PDE4B: variants seen among roughly 807,000 people sequenced by gnomAD.
PDE4B encodes the protein 3',5'-cyclic-AMP phosphodiesterase 4B.
A neutral mutation model predicts 82.2 loss-of-function variants in PDE4B; 20 were observed. That is an observed-to-expected ratio of 0.24 (90% CI 0.17 to 0.35). The LOEUF is 0.35. Ranked by LOEUF, PDE4B falls within the 10% of genes least tolerant of loss-of-function variation. The pLI, the probability that PDE4B is intolerant of heterozygous loss-of-function variation, is 1.00. For synonymous variants in PDE4B, 320 were observed against 318.9 expected (o/e 1.00, Z -0.04); for missense variants, 655 against 907.2 (o/e 0.72, Z 3.57).
chr1:66,188,242 GT>G (rs1292566708), intron 3 of PDE4B, among the ~76,000 whole-genome samples: 1 of 152,012 alleles, frequency 6.6e-6, no homozygotes, highest in Non-Finnish European at 1.5e-5. Context: ...GTTGAGGAGT[GT>G]TTTACTTCCA....
chr1:65,987,451 G>C (rs2186121), intron 3 of PDE4B, among the ~76,000 whole-genome samples: 11,012 of 152,212 alleles, frequency 0.072, 441 homozygotes, highest in South Asian at 0.14. Context: ...ATCACCGTGG[G>C]AGCATGAATT....
At chr1:66,366,117 A>C (rs1396831459) in intron 13 of PDE4B, among the ~76,000 whole-genome samples, 1 of 152,196 alleles carries the variant, frequency 6.6e-6, no homozygotes, top group South Asian at 2.1e-4. Context: ...AAACTCTCGC[A>C]CAGAGCATAG....
intron 3 of PDE4B, among the ~76,000 whole-genome samples, chr1:66,022,767 T>C (rs1247798944): frequency 6.6e-6 from 1 of 152,156 alleles, no homozygotes; most frequent in Non-Finnish European, 1.5e-5. Flanking sequence ...TCTAAAATTC[T>C]CTTTTTTTTG....
chr1:65,972,088 A>C (rs1937440), intron 3 of PDE4B, among the ~76,000 whole-genome samples: 1 of 152,002 alleles, frequency 6.6e-6, no homozygotes, highest in Non-Finnish European at 1.5e-5. Flanking sequence ...TTGGTAATAT[A>C]TTATGACTGT....
intron 7 of PDE4B, among the ~76,000 whole-genome samples, chr1:66,270,441 G>A (rs994177927): frequency 6.6e-6 from 1 of 152,080 alleles, no homozygotes; most frequent in Admixed American, 6.6e-5. Flanking sequence ...TGGACAAGAG[G>A]GTCAGTGAGT....
At chr1:66,269,427 A>G (rs1376249400) in intron 7 of PDE4B, among the ~76,000 whole-genome samples, 1 of 152,222 alleles carries the variant, frequency 6.6e-6, no homozygotes, top group African/African-American at 2.4e-5. Flanking sequence ...TTTAATGAGC[A>G]TCTGAATTTG....
chr1:66,310,698 C>T (rs1483743363), intron 7 of PDE4B, among the ~76,000 whole-genome samples: 1 of 152,114 alleles, frequency 6.6e-6, no homozygotes, highest in Non-Finnish European at 1.5e-5. Context: ...CTTCCACTGC[C>T]CCCACTGTAC....
At chr1:66,105,371 C>T (rs369023563) in intron 3 of PDE4B, among the ~76,000 whole-genome samples, 9,433 of 151,712 alleles carry the variant, frequency 0.062, 424 homozygotes, top group South Asian at 0.17. Context: ...AGTCAGGTAG[C>T]GTGATGCCTC....
chr1:66,024,126 G>A (rs536561712), intron 3 of PDE4B, among the ~76,000 whole-genome samples: 1 of 152,048 alleles, frequency 6.6e-6, no homozygotes. Context: ...GTCCATACAA[G>A]TATCCTCCAT....
chr1:66,116,980 C>T (rs1645608988), intron 3 of PDE4B, among the ~76,000 whole-genome samples: 1 of 152,208 alleles, frequency 6.6e-6, no homozygotes, highest in South Asian at 2.1e-4. Context: ...CCCCTCCAAT[C>T]CAGCTTTGGT....
At chr1:66,010,324 AAAATTTAATAAGAGATTATTTTCTTTAT>A (rs1652413227) in intron 3 of PDE4B, among the ~76,000 whole-genome samples, 1 of 151,580 alleles carries the variant, frequency 6.6e-6, no homozygotes, top group Non-Finnish European at 1.5e-5. Flanking sequence ...AATATTATAT[AAAATTTAATAAGAGATTATTTTCTTTAT>A]AAAGAGAAAG....
intron 3 of PDE4B, among the ~76,000 whole-genome samples, chr1:66,086,782 A>C (rs1186740281): frequency 6.6e-6 from 1 of 152,198 alleles, no homozygotes; most frequent in East Asian, 1.9e-4. Flanking sequence ...ATTAAGTTCT[A>C]GGACAATTAA....
At chr1:66,086,582 T>C (rs909578451) in intron 3 of PDE4B, among the ~76,000 whole-genome samples, 1 of 152,226 alleles carries the variant, frequency 6.6e-6, no homozygotes, top group African/African-American at 2.4e-5. Flanking sequence ...TAATTTCTGT[T>C]AATAACCACA....
At chr1:66,349,925 T>C (rs938424001) in intron 8 of PDE4B, among the ~76,000 whole-genome samples, 2 of 152,148 alleles carry the variant, frequency 1.3e-5, no homozygotes, top group Non-Finnish European at 2.9e-5. Flanking sequence ...GATTAGAAGC[T>C]AGCCATTTTA....
intron 3 of PDE4B, among the ~76,000 whole-genome samples, chr1:66,012,518 G>GCACACCATGACAACAGGCTCA (rs1652542443): frequency 1.3e-5 from 2 of 152,022 alleles, no homozygotes; most frequent in Admixed American, 6.6e-5. Flanking sequence ...ATCATAGTGT[G>GCACACCATGACAACAGGCTCA]CACACCATGA....
chr1:65,953,382 G>T (rs911314734), intron 3 of PDE4B, among the ~76,000 whole-genome samples: 1 of 152,084 alleles, frequency 6.6e-6, no homozygotes, highest in East Asian at 1.9e-4. Flanking sequence ...ATGTGATTAA[G>T]TTCAGGGCTT....
chr1:65,844,785 C>G (rs1255407987), intron 1 of PDE4B, among the ~76,000 whole-genome samples: 2 of 152,072 alleles, frequency 1.3e-5, no homozygotes, highest in Admixed American at 6.6e-5. Flanking sequence ...CTTCTTGGCT[C>G]AAAGCTTAGA....
chr1:65,865,098 A>C (rs1646496386), intron 1 of PDE4B, among the ~76,000 whole-genome samples: 1 of 152,176 alleles, frequency 6.6e-6, no homozygotes, highest in Admixed American at 6.5e-5. Context: ...AGGAATCTAG[A>C]GAGGCAGTCT....
At chr1:65,847,233 G>A (rs906188415) in intron 1 of PDE4B, among the ~76,000 whole-genome samples, 2 of 152,142 alleles carry the variant, frequency 1.3e-5, no homozygotes, top group African/African-American at 4.8e-5. Flanking sequence ...ATTTTCCATG[G>A]GCTCATTTGA....
Sources: allele counts gnomAD v4.1 joint callset (sites outside exome capture counted in the v4.1 genomes callset), GRCh38; gene constraint gnomAD v4.1.1; transcripts MANE v1.5; gene names NCBI Gene and HGNC (gene_info 2026-07-23, HGNC 2026-07-21).